The following RBFOX1 variants were observed in gnomAD, a reference collection of about 807,000 sequenced individuals.
RBFOX1 encodes the protein RNA binding protein fox-1 homolog 1.
In RBFOX1, 8 loss-of-function variants were observed where a neutral mutation model predicts 57.7. The observed-to-expected ratio is 0.14, with a 90% confidence interval of 0.08 to 0.25. The LOEUF (loss-of-function observed/expected upper bound fraction) is 0.25, where lower values mean the gene tolerates loss of function less well. Among genes scored for constraint, RBFOX1 ranks in the 10% least tolerant of loss-of-function variants. The pLI is 1.00. For missense variants in RBFOX1, 611 were observed against 548.5 expected (o/e 1.11, Z -1.14); for synonymous variants, 326 against 222.4 (o/e 1.47, Z -4.15).
rs116650664 is a variant in RBFOX1 at position 6,818,901 on chromosome 16, G to A, written c.-16+164251G>A. On this transcript the variant is annotated intron_variant, in intron 3 of 15. Coordinates refer to ENST00000550418, the MANE Select transcript of RBFOX1 (RefSeq NM_018723.4). The stretch of plus-strand genomic sequence containing the variant: ...CATGGAATTCTTTGGAAAGAGACTC[G>A]ATTTCCTCTGGGCATGCTGAACTGA... Among the ~76,000 whole-genome samples the A allele has an allele frequency of 6.8e-3, 1,031 of 152,320 alleles. 12 individuals are homozygous for A. The highest frequency in any genetic ancestry group is 0.023 in the African/African-American group (949 of 41,564).
chr16:6,615,592 C>T (rs1282143214), intron 2 of RBFOX1, among the ~76,000 whole-genome samples: 1 of 152,038 alleles, frequency 6.6e-6, no homozygotes, highest in Non-Finnish European at 1.5e-5. Flanking sequence ...AATCCTCTGT[C>T]CCAATAAATA....
At chr16:5,988,285 TTAAAA>T (rs1438724563) in intron 4 of RBFOX1, among the ~76,000 whole-genome samples, 1 of 152,196 alleles carries the variant, frequency 6.6e-6, no homozygotes, top group African/African-American at 2.4e-5. Context: ...TTGAACATAA[TTAAAA>T]TAATGAGAGT....
At chr16:7,667,962 C>G (rs1372036644) in intron 13 of RBFOX1, among the ~76,000 whole-genome samples, 1 of 152,200 alleles carries the variant, frequency 6.6e-6, no homozygotes, top group Non-Finnish European at 1.5e-5. Context: ...ACGTGAGCCA[C>G]TGCACCAAGC....
At chr16:5,535,166 T>C (rs1272161308) in intron 2 of RBFOX1, among the ~76,000 whole-genome samples, 1 of 152,238 alleles carries the variant, frequency 6.6e-6, no homozygotes, top group South Asian at 2.1e-4. Context: ...TAACTAAAAC[T>C]GAACATCTAG....
intron 4 of RBFOX1, among the ~76,000 whole-genome samples, chr16:7,386,434 G>A (rs542821766): frequency 2.1e-5 from 3 of 141,392 alleles, no homozygotes; most frequent in African/African-American, 8.0e-5. Context: ...CTGTGTCCAT[G>A]TATTCTCATT....
intron 1 of RBFOX1, among the ~76,000 whole-genome samples, chr16:5,448,744 A>C (rs1270177911): frequency 6.6e-6 from 1 of 152,236 alleles, no homozygotes; most frequent in African/African-American, 2.4e-5. Flanking sequence ...TTAGCTGAGC[A>C]CACGTTTTGT....
intron 3 of RBFOX1, among the ~76,000 whole-genome samples, chr16:5,688,537 A>C (rs960864865): frequency 2.6e-5 from 4 of 152,138 alleles, no homozygotes; most frequent in Admixed American, 1.3e-4. Context: ...ATGTCCAGTG[A>C]TGTTCCCTTT....
At chr16:5,866,191 A>T (rs1011754073) in intron 3 of RBFOX1, among the ~76,000 whole-genome samples, 24 of 151,964 alleles carry the variant, frequency 1.6e-4, no homozygotes, top group Admixed American at 1.3e-4. Flanking sequence ...CTGGTCTCGA[A>T]CTCCTGACCT....
chr16:6,820,683 CA>C (rs1374995167), intron 3 of RBFOX1, among the ~76,000 whole-genome samples: 1 of 151,490 alleles, frequency 6.6e-6, no homozygotes, highest in East Asian at 1.9e-4. Context: ...GCAAAACAAA[CA>C]AACAAAAACC....
intron 2 of RBFOX1, among the ~76,000 whole-genome samples, chr16:5,575,622 A>C (rs759702791): frequency 1.3e-5 from 2 of 152,208 alleles, no homozygotes; most frequent in East Asian, 3.9e-4. Context: ...CTCCGAAGCA[A>C]AGCTTCCAGA....
At chr16:5,565,610 A>T (rs780108960) in intron 2 of RBFOX1, among the ~76,000 whole-genome samples, 3 of 149,378 alleles carry the variant, frequency 2.0e-5, no homozygotes, top group Non-Finnish European at 4.4e-5. Context: ...GGGCAATAAG[A>T]GCGAAACTCT....
chr16:6,585,770 C>G (rs1191137448), intron 2 of RBFOX1, among the ~76,000 whole-genome samples: 1 of 130,792 alleles, frequency 7.6e-6, no homozygotes, highest in Admixed American at 7.5e-5. Flanking sequence ...CACAGCAAAA[C>G]TAATTTAGTT....
intron 1 of RBFOX1, among the ~76,000 whole-genome samples, chr16:5,368,525 C>G (rs1342223425): frequency 6.6e-6 from 1 of 152,156 alleles, no homozygotes; most frequent in East Asian, 1.9e-4. Flanking sequence ...AAGTATGTTT[C>G]TTTCATATTG....
chr16:6,043,641 A>C (rs1213465031), intron 1 of RBFOX1, among the ~76,000 whole-genome samples: 2 of 152,212 alleles, frequency 1.3e-5, no homozygotes, highest in Non-Finnish European at 2.9e-5. Flanking sequence ...CCCTTGGCCC[A>C]GGGGGAGTCT....
chr16:6,885,134 A>G (rs562279225), intron 3 of RBFOX1, among the ~76,000 whole-genome samples: 3 of 152,302 alleles, frequency 2.0e-5, no homozygotes, highest in South Asian at 4.1e-4. Context: ...GAAAGTCTCA[A>G]GCTCTGACTG....
chr16:6,755,977 A>G (rs768419245), intron 3 of RBFOX1, among the ~76,000 whole-genome samples: 17 of 152,182 alleles, frequency 1.1e-4, no homozygotes, highest in Non-Finnish European at 7.3e-5. Context: ...TCAAATTGCT[A>G]GCTGAGGTCA....
At chr16:7,220,112 C>T in intron 4 of RBFOX1, among the ~76,000 whole-genome samples, 1 of 152,254 alleles carries the variant, frequency 6.6e-6, no homozygotes, top group East Asian at 1.9e-4. Flanking sequence ...ACAAAATTCA[C>T]CATATTCAAC....
chr16:7,165,933 TAC>T (rs889669390), intron 4 of RBFOX1, among the ~76,000 whole-genome samples: 226 of 143,246 alleles, frequency 1.6e-3, no homozygotes, highest in Middle Eastern at 3.7e-3. Context: ...CGCATGCACA[TAC>T]ACACACACAC....
intron 2 of RBFOX1, among the ~76,000 whole-genome samples, chr16:6,350,937 C>G (rs901465491): frequency 1.3e-5 from 2 of 152,194 alleles, no homozygotes; most frequent in African/African-American, 4.8e-5. Flanking sequence ...TGGCCTGGCA[C>G]CTGGTCCTCA....
Sources: gnomAD v4.1 joint callset for allele counts (sites outside exome capture counted in the v4.1 genomes callset) on GRCh38, gnomAD v4.1.1 for gene constraint, MANE v1.5 for transcripts, NCBI Gene and HGNC (gene_info 2026-07-23, HGNC 2026-07-21) for gene names.